ZNF423: variants seen among roughly 807,000 people sequenced by gnomAD.
ZNF423 encodes the protein Ebf-associated zinc finger protein.
ZNF423 carries 12 observed loss-of-function variants against 95.8 expected under a neutral mutation model. That is an observed-to-expected ratio of 0.13 (90% CI 0.08 to 0.20). ZNF423 has a LOEUF of 0.20. Among genes scored for constraint, ZNF423 ranks in the 10% least tolerant of loss-of-function variants. The pLI, the probability that ZNF423 is intolerant of heterozygous loss-of-function variation, is 1.00. For missense variants in ZNF423, 1,316 were observed against 1,737.1 expected, an observed-to-expected ratio of 0.76 and a Z score of 4.31; for synonymous variants, 749 against 711.9, an observed-to-expected ratio of 1.05 and a Z score of -0.83.
intron 5 of ZNF423, among the ~76,000 whole-genome samples, chr16:49,599,576 T>C (rs574397347): frequency 6.6e-6 from 1 of 152,316 alleles, no homozygotes; most frequent in South Asian, 2.1e-4. Context: ...TTAGCAGCAC[T>C]GTGAATAACA....
intron 5 of ZNF423, among the ~76,000 whole-genome samples, chr16:49,579,294 C>A (rs902970761): frequency 3.5e-5 from 5 of 144,708 alleles, no homozygotes; most frequent in African/African-American, 1.3e-4. Flanking sequence ...TGCACACATG[C>A]CCACTGACCA....
At chr16:49,756,963 G>T (rs570612463) in intron 2 of ZNF423, among the ~76,000 whole-genome samples, 62 of 152,284 alleles carry the variant, frequency 4.1e-4, no homozygotes, top group African/African-American at 1.4e-3. Context: ...CCAAAGTCCT[G>T]CCAAAAGACA....
At chr16:49,686,263 G>A (rs902470603) in intron 3 of ZNF423, among the ~76,000 whole-genome samples, 10 of 152,144 alleles carry the variant, frequency 6.6e-5, no homozygotes, top group Non-Finnish European at 1.5e-4. Context: ...TATTAATTAT[G>A]AAAGTCCTGC....
At chr16:49,693,905 T>C (rs1285512376) in intron 3 of ZNF423, among the ~76,000 whole-genome samples, 4 of 152,310 alleles carry the variant, frequency 2.6e-5, no homozygotes, top group South Asian at 2.1e-4. Flanking sequence ...CTCTATTCCT[T>C]GCAAATGAAA....
At chr16:49,532,036 T>A (rs1015505542) in intron 5 of ZNF423, among the ~76,000 whole-genome samples, 3 of 152,236 alleles carry the variant, frequency 2.0e-5, no homozygotes, top group Non-Finnish European at 4.4e-5. Flanking sequence ...GTCCCGAAGC[T>A]GGGTTTGGGA....
At chr16:49,815,906 ATATATATATTTT>A (rs1181980447) in intron 1 of ZNF423, among the ~76,000 whole-genome samples, 15 of 42,662 alleles carry the variant, frequency 3.5e-4, no homozygotes, top group African/African-American at 8.7e-4. Context: ...ATATATATAT[ATATATATATTTT>A]TTTTTTTTTT....
chr16:49,590,372 G>A (rs1004697371), intron 5 of ZNF423, among the ~76,000 whole-genome samples: 8 of 152,080 alleles, frequency 5.3e-5, no homozygotes, highest in Non-Finnish European at 1.2e-4. Context: ...CCAAGCCACA[G>A]CACTCACACC....
In ZNF423 at chr16:49,744,505, T is replaced by C. The variant is rs1295320912; in HGVS notation, c.101-13534A>G. Among the ~76,000 whole-genome samples, 4 of 150,998 alleles carry C rather than the reference T, an allele frequency of 2.6e-5. No individual in the cohort carries two copies. In the South Asian group the frequency reaches 8.5e-4, roughly 32 times the overall value. ...CCAGCACACACGAGGCCAGGCGGGGTGTCCCCACGCTCAGCACACATGTGG... is the reference window on the plus strand; with the variant it reads ...CCAGCACACACGAGGCCAGGCGGGGCGTCCCCACGCTCAGCACACATGTGG... On this transcript the variant is annotated intron_variant, in intron 2 of 7. Transcript: ENST00000563137.
intron 5 of ZNF423, among the ~76,000 whole-genome samples, chr16:49,607,888 C>T (rs377062533): frequency 6.6e-5 from 10 of 152,234 alleles, no homozygotes; most frequent in East Asian, 1.9e-4. Flanking sequence ...GGTGTTAGTG[C>T]GAGAGCTGTC....
At chr16:49,646,533 A>T (rs1396149187) in intron 3 of ZNF423, among the ~76,000 whole-genome samples, 1 of 149,136 alleles carries the variant, frequency 6.7e-6, no homozygotes, top group East Asian at 2.0e-4. Context: ...TCACAGGCAG[A>T]TCCAGTGGTT....
rs936241107 is a variant in ZNF423, at chr16:49,638,052, A to T, written c.1124T>A (p.Met375Lys). 8 of 1,613,824 alleles carry T rather than the reference A, an allele frequency of 5.0e-6. No homozygotes were observed. The highest frequency in any genetic ancestry group is 5.9e-6 in the Non-Finnish European group (7 of 1,179,994). Residue 375 changes from methionine to lysine, a missense_variant, in exon 4 of 8, where the codon ATG becomes AAG. Coordinates refer to ENST00000563137, the MANE Select transcript of ZNF423 (RefSeq NM_001379286.1). This position sits in a 1 kb window ranked among gnomAD's most constrained non-coding sequence, Gnocchi z 5.6. ...GCTGGAGTCGGGTGTGGCGCTGCTC[A>T]TGGAGGCCACGCTGCCCAGTACAGG... is the stretch of plus-strand genomic sequence containing the variant. Reference protein sequence around the residue: ...PDPVLGSVASMSSATPDSSAS... With the variant: ...PDPVLGSVASKSSATPDSSAS...
Position 49,636,096 on chromosome 16 carries a change from C to A in ZNF423, c.3080G>T (p.Gly1027Val), listed in dbSNP as rs1478373402. ...MHPDLRNSLT[G>V]FRCVVCMQTV... is the part of the protein sequence containing the mutation. ...CTGCATGCAGACCACACAGCGGAAG[C>A]CCGTGAGTGAGTTGCGCAGGTCAGG... Residue 1027 changes from glycine to valine, a missense_variant, in exon 4 of 8, where the codon GGC (glycine) becomes GTC (valine). Transcript: ENST00000563137. The surrounding 1 kb of genome is among the most constrained non-coding windows in gnomAD (Gnocchi z 8.6). 5 of 1,613,984 alleles carry A rather than the reference C, an allele frequency of 3.1e-6. No homozygotes were observed. The highest frequency in any genetic ancestry group is 4.2e-6 in the Non-Finnish European group (5 of 1,180,028).
At chr16:49,714,983 C>A (rs2032660541) in intron 3 of ZNF423, among the ~76,000 whole-genome samples, 1 of 152,014 alleles carries the variant, frequency 6.6e-6, no homozygotes. Context: ...GAGGAGACGG[C>A]CCAGCTGCAA....
At chr16:49,739,225 C>T (rs2033359706) in intron 2 of ZNF423, among the ~76,000 whole-genome samples, 1 of 152,152 alleles carries the variant, frequency 6.6e-6, no homozygotes, top group African/African-American at 2.4e-5. Context: ...GCTCATAGTA[C>T]AGCTTGAGAC....
chr16:49,739,965 T>C (rs1181282212), intron 2 of ZNF423, among the ~76,000 whole-genome samples: 2 of 152,006 alleles, frequency 1.3e-5, no homozygotes, highest in Middle Eastern at 3.2e-3. Flanking sequence ...TTCAAGTGAT[T>C]CTCTTGCCTC....
intron 5 of ZNF423, among the ~76,000 whole-genome samples, chr16:49,537,553 C>T (rs958041441): frequency 7.2e-5 from 11 of 152,170 alleles, no homozygotes; most frequent in African/African-American, 1.4e-4. Flanking sequence ...ATGATTGCGA[C>T]GCTAATACCA....
chr16:49,682,793 G>C (rs947247113), intron 3 of ZNF423, among the ~76,000 whole-genome samples: 1 of 152,232 alleles, frequency 6.6e-6, no homozygotes, highest in Admixed American at 6.5e-5. Context: ...TGGGAACGAT[G>C]TCCAAAGAAC....
At chr16:49,682,774 T>C (rs2031415653) in intron 3 of ZNF423, among the ~76,000 whole-genome samples, 4 of 152,234 alleles carry the variant, frequency 2.6e-5, no homozygotes, top group Admixed American at 2.6e-4. Flanking sequence ...AGTTTCCTCA[T>C]CTGTAAAATG....
In ZNF423 at chr16:49,850,234, T is replaced by C. The variant is rs185825353; in HGVS notation, c.40+5501A>G. Among the ~76,000 whole-genome samples the C allele has an allele frequency of 1.7e-4, 26 of 152,290 alleles. No individual in the cohort carries two copies. The East Asian group carries it at 4.1e-3, about 24-fold the overall frequency. ...TCACTTCACCCTGCCTCTCCCACAG[T>C]AGGCTGAGGGAGCTGACAGCCAGCC... On this transcript the variant is annotated intron_variant, in intron 1 of 7. Transcript: ENST00000563137.
Sources: allele counts gnomAD v4.1 joint callset (sites outside exome capture counted in the v4.1 genomes callset), GRCh38; gene constraint gnomAD v4.1.1; non-coding constraint Gnocchi (gnomAD v3.1); transcripts MANE v1.5; gene names NCBI Gene and HGNC (gene_info 2026-07-23, HGNC 2026-07-21).